The following METTL25B variants were observed in gnomAD, a reference collection of about 807,000 sequenced individuals.
METTL25B encodes methyltransferase-like protein 25B.
Under a neutral mutation model 48.4 loss-of-function variants are expected in METTL25B, and 38 were observed. The observed-to-expected ratio is 0.78, with a 90% CI of 0.61 to 1.03. The LOEUF (loss-of-function observed/expected upper bound fraction) is 1.03. Ranked by LOEUF, METTL25B falls within the 50% of genes least tolerant of loss-of-function variation. The pLI, the probability that METTL25B is intolerant of heterozygous loss-of-function variation, is 0.00. For missense variants in METTL25B, 537 were observed against 603.7 expected, an observed-to-expected ratio of 0.89 and a Z score of 1.16; for synonymous variants, 230 against 254.5, an observed-to-expected ratio of 0.90 and a Z score of 0.92.
chr1:156,733,891 T>A (rs1363462777), intron 5 of METTL25B, 118 bp from the exon 6 acceptor site: 3 of 1,408,264 alleles, frequency 2.1e-6, no homozygotes, highest in Non-Finnish European at 2.9e-6. Flanking sequence ...ACCCACCTTA[T>A]CTCCCACATT....
chr1:156,733,945 C>G, intron 5 of METTL25B, 64 bp from the exon 6 acceptor site: 1 of 1,532,682 alleles, frequency 6.5e-7, no homozygotes, highest in South Asian at 1.3e-5. Flanking sequence ...TTCCTGTGGC[C>G]TGAGGTGGCC....
Position 156,732,064 on chromosome 1 carries a change from C to G in METTL25B, c.185C>G (p.Pro62Arg). ...GAAGCATTGGATGGACTGAAACCACCACAGCTGGCCACAATGCTGCTGGGG... is the reference window on the plus strand; with the variant it reads ...GAAGCATTGGATGGACTGAAACCACGACAGCTGGCCACAATGCTGCTGGGG... ...WQEALDGLKP[P>R]QLATMLLGMP... Residue 62 changes from proline to arginine, a missense_variant, in exon 2 of 8, where the codon CCA becomes CGA. Pro to Arg is a moderately radical substitution (Grantham distance 103). Coordinates refer to ENST00000368216, the MANE Select transcript of METTL25B (RefSeq NM_015997.4). The G allele has an allele frequency of 6.2e-7, 1 of 1,614,184 alleles. No homozygotes were observed. Among genetic ancestry groups the G allele is most frequent in the Non-Finnish European group, 8.5e-7 (1 of 1,180,028 alleles).
At chr1:156,735,302 AG>A (rs1026714081) in intron 6 of METTL25B, among the ~76,000 whole-genome samples, 2 of 150,900 alleles carry the variant, frequency 1.3e-5, no homozygotes, top group Non-Finnish European at 3.0e-5. Context: ...AAAAAAAAAA[AG>A]TTTTTTAAAT....
intron 1 of METTL25B, chr1:156,729,428 T>C (rs1649052094): frequency 9.3e-6 from 4 of 430,706 alleles, no homozygotes; most frequent in Non-Finnish European, 4.0e-6. Context: ...TTTCTTTTTT[T>C]TTTTCTTTTT....
chr1:156,732,390 C>G lies in METTL25B; in HGVS notation c.346C>G (p.Pro116Ala), dbSNP rs776346126. ...GACCCCCTCAGAATTCCTGGAGAAC[C>G]CCAGCCAGAGCTCCCGACTAACAGC... ...FQTPSEFLEN[P>A]SQSSRLTAPF... Residue 116 changes from proline to alanine, a missense_variant, in exon 3 of 8, where the codon CCC becomes GCC. Pro to Ala is a conservative substitution (Grantham distance 27). Transcript: ENST00000368216. The G allele has an allele frequency of 5.0e-6, 8 of 1,614,194 alleles. No homozygotes were observed. In the South Asian group the frequency reaches 8.8e-5, roughly 18 times the overall value.
At position 156,734,355 on chromosome 1, in the gene METTL25B, G is replaced by A. The variant is rs374602134; in HGVS notation, c.983G>A (p.Arg328Gln). The stretch of plus-strand genomic sequence containing the variant: ...CATGCCCTGGAGGAATATGCTGAGC[G>A]GCTACAGAAAGCTGGCCCTGGCCTT... ...ACHALEEYAERLQKAGPGLRT... is the reference protein window; with the variant it reads ...ACHALEEYAEQLQKAGPGLRT... The change falls in exon 6 of 8, where the codon CGG becomes CAG. Residue 328 changes from arginine (R) to glutamine (Q), a missense_variant. Coordinates refer to ENST00000368216, the MANE Select transcript of METTL25B (RefSeq NM_015997.4). The A allele has an allele frequency of 3.3e-5, 54 of 1,613,890 alleles. No individual in the cohort carries two copies. Among genetic ancestry groups the A allele is most frequent in the Non-Finnish European group, 4.3e-5 (51 of 1,179,970 alleles).
Position 156,733,032 on chromosome 1 carries a change from C to G in METTL25B, c.477C>G (p.Asp159Glu), listed in dbSNP as rs765782983. The G allele has an allele frequency of 2.5e-6, 4 of 1,614,052 alleles. No homozygotes were observed. In the East Asian group the frequency reaches 6.7e-5, roughly 27 times the overall value. Residue 159 changes from aspartate to glutamate, a missense_variant, in exon 4 of 8, where the codon GAC becomes GAG. Asp to Glu is a conservative substitution (Grantham distance 45). Coordinates refer to ENST00000368216, the MANE Select transcript of METTL25B (RefSeq NM_015997.4). Reference protein sequence around the residue: ...SDFTGCTQVVDVGSGQGHLSR... With the variant: ...SDFTGCTQVVEVGSGQGHLSR... ...TCACAGGCTGCACCCAGGTTGTAGA[C>G]GTGGGCTCAGGCCAGGTGAGCCAGA...
In METTL25B at chr1:156,732,292, T is replaced by C. The variant is rs1649364622; in HGVS notation, c.248T>C (p.Val83Ala). ...GEGEVVRYRS[V>A]WPLTLLALKS... is the part of the protein sequence containing the mutation. ...CTGGACTATCTCAGGTACAGGTCAG[T>C]GTGGCCACTCACCCTGCTGGCCCTG... is the stretch of plus-strand genomic sequence containing the variant. The change falls in exon 3 of 8, where the codon GTG becomes GCG. Residue 83 changes from valine to alanine, a missense_variant. By Grantham distance (64) the Val-to-Ala change is moderately conservative. Transcript: ENST00000368216. 4 of 1,614,190 alleles carry C rather than the reference T, an allele frequency of 2.5e-6. No individual in the cohort carries two copies. The highest frequency in any genetic ancestry group is 1.7e-6 in the Non-Finnish European group (2 of 1,180,016).
At chr1:156,729,356 AAAACT>A (rs1649031755) in intron 1 of METTL25B, 141 bp downstream of exon 1, 3 of 558,770 alleles carry the variant, frequency 5.4e-6, no homozygotes, top group Non-Finnish European at 9.4e-6. Context: ...AGAAGGGGTT[AAAACT>A]GGAGTGATCC....
chr1:156,728,569 C>T lies in METTL25B; in HGVS notation c.-536C>T. The T allele has an allele frequency of 2.0e-6, 2 of 985,704 alleles. No individual in the cohort carries two copies. The highest frequency in any genetic ancestry group is 2.4e-6 in the Non-Finnish European group (2 of 829,950). 61.1% of individuals were successfully genotyped at this position (985,704 alleles called of 1,614,324 possible). On this transcript the variant is annotated 5_prime_UTR_variant, in exon 1 of 8. Transcript: ENST00000368216. ...ACCGCCCCGACCCCAGGTAGTGAGGCCAGTGATTCCGAGTGTGTGAGGAGC... is the reference window on the plus strand; with the variant it reads ...ACCGCCCCGACCCCAGGTAGTGAGGTCAGTGATTCCGAGTGTGTGAGGAGC...
Position 156,734,460 on chromosome 1 carries a change from G to C in METTL25B, c.1088G>C (p.Gly363Ala), listed in dbSNP as rs1387861863. ...GAGCTCCGTCGGCCAGGCGTGCAGG[G>C]TATCCCCAGGGTCCACGAGCTCAAG... is the stretch of plus-strand genomic sequence containing the variant. The part of the protein sequence containing the change: ...RPELRRPGVQ[G>A]IPRVHELKIE... Residue 363 changes from glycine (G) to alanine (A), a missense_variant, in exon 6 of 8, where the codon GGT (glycine) becomes GCT (alanine). Transcript: ENST00000368216. 6.2e-7 allele frequency: 1 copy of C among 1,601,226 alleles called. No homozygotes were observed. Among genetic ancestry groups the C allele is most frequent in the Non-Finnish European group, 8.5e-7 (1 of 1,174,156 alleles).
chr1:156,731,307 C>A (rs139447141), intron 1 of METTL25B, among the ~76,000 whole-genome samples: 2 of 152,084 alleles, frequency 1.3e-5, no homozygotes, highest in Admixed American at 6.5e-5. Context: ...TAATTTTAGT[C>A]GAGACGGGGT....
At chr1:156,736,014 G>C in intron 7 of METTL25B, 105 bp downstream of exon 7, 7 of 1,013,058 alleles carry the variant, frequency 6.9e-6, no homozygotes, top group Non-Finnish European at 1.0e-5. Context: ...GCTAATCACT[G>C]TTGTGATCCT....
Position 156,734,508 on chromosome 1 carries a change from CG to C in METTL25B, c.1121+18del, listed in dbSNP as rs758028502. ...AAGATTGAAGAGTGAGGTTGGGGGA[CG>C]GGTGGGGGGCAGTGGAGAGGAGATT... On this transcript the variant is annotated intron_variant, in intron 6 of 7. Transcript: ENST00000368216. 6.5e-7 allele frequency: 1 copy of C among 1,547,904 alleles called. No individual in the cohort carries two copies. The highest frequency in any genetic ancestry group is 8.7e-7 in the Non-Finnish European group (1 of 1,145,818).
In METTL25B at chr1:156,735,857, A is replaced by G. The variant is rs768837687; in HGVS notation, c.1254A>G (p.Pro418=). The change falls in exon 7 of 8, where the codon CCA becomes CCG. Residue 418 remains proline, a synonymous_variant. Coordinates refer to ENST00000368216, the MANE Select transcript of METTL25B (RefSeq NM_015997.4). ...AFFSLALLLA[P]LVETLILLDR... ...TCAGCCTGGCTCTACTGCTTGCCCC[A>G]CTGGTGGAGACGCTTATTCTACTGG... 3.1e-6 allele frequency: 5 copies of G among 1,612,468 alleles called. No individual in the cohort carries two copies. The highest frequency in any genetic ancestry group is 1.7e-5 in the Admixed American group (1 of 59,820).
chr1:156,732,634 CT>C (rs1301763073), intron 3 of METTL25B, among the ~76,000 whole-genome samples, 161 bp downstream of exon 3: 1 of 152,142 alleles, frequency 6.6e-6, no homozygotes, highest in Non-Finnish European at 1.5e-5. Flanking sequence ...TGCTGGGGTT[CT>C]TTTTCATTCT....
intron 5 of METTL25B, 70 bp downstream of exon 5, chr1:156,733,590 C>T (rs909480492): frequency 1.3e-6 from 2 of 1,511,932 alleles, no homozygotes; most frequent in Non-Finnish European, 1.8e-6. Context: ...AGCACAGAGG[C>T]TGGATTACAT....
chr1:156,733,922 G>T, intron 5 of METTL25B, 87 bp from the exon 6 acceptor site: 1 of 1,500,298 alleles, frequency 6.7e-7, no homozygotes, highest in South Asian at 1.3e-5. Flanking sequence ...GAATAACATG[G>T]AGGACAGATC....
At chr1:156,729,240 G>T in intron 1 of METTL25B, 25 bp downstream of exon 1, 1 of 1,450,280 alleles carries the variant, frequency 6.9e-7, no homozygotes, top group African/African-American at 1.4e-5. Flanking sequence ...GCGTGGGTGG[G>T]ATGTCTCTGG....
Sources: gnomAD v4.1 joint callset for allele counts (sites outside exome capture counted in the v4.1 genomes callset) on GRCh38, gnomAD v4.1.1 for gene constraint, MANE v1.5 for transcripts, NCBI Gene and HGNC (gene_info 2026-07-23, HGNC 2026-07-21) for gene names.